GUCY2F: variants seen among roughly 807,000 people sequenced by gnomAD.
The protein encoded by GUCY2F is retinal guanylyl cyclase 2.
GUCY2F carries 61 observed loss-of-function variants against 73.1 expected under a neutral mutation model. The observed-to-expected ratio is 0.83, with a 90% CI of 0.68 to 1.03. The LOEUF (loss-of-function observed/expected upper bound fraction) is 1.03. Ranked by LOEUF, GUCY2F falls within the 50% of genes least tolerant of loss-of-function variation. GUCY2F has a pLI of 0.00. For synonymous variants in GUCY2F, 331 were observed against 307.8 expected, an observed-to-expected ratio of 1.08 and a Z score of -0.79; for missense variants, 912 against 854.3, an observed-to-expected ratio of 1.07 and a Z score of -0.84.
chrX:109,437,885 A>C (rs935635650), intron 7 of GUCY2F, among the ~76,000 whole-genome samples: 1 of 112,644 alleles, frequency 8.9e-6, no homozygotes, highest in Non-Finnish European at 1.9e-5. Context: ...TGATTACCCT[A>C]TCTTAGGTCT....
At chrX:109,476,098 C>CAA (rs35170259) in intron 1 of GUCY2F, 77 bp from the exon 2 acceptor site, 9,216 of 276,441 alleles carry the variant, frequency 0.033, 103 homozygotes, top group Non-Finnish European at 0.04. Flanking sequence ...GAAAGAATGG[C>CAA]AAAAAAAAAA....
chrX:109,382,040 C>G (rs1225404864), intron 17 of GUCY2F, 78 bp downstream of exon 17: 6 of 531,201 alleles, frequency 1.1e-5, no homozygotes, highest in Non-Finnish European at 1.6e-5. Context: ...CCCAGGTAAA[C>G]TCTTTCAGCA....
chrX:109,401,759 C>A (rs964653247), intron 10 of GUCY2F, among the ~76,000 whole-genome samples: 3 of 110,752 alleles, frequency 2.7e-5, no homozygotes, highest in Non-Finnish European at 3.8e-5. Flanking sequence ...TCATGGAAAG[C>A]CTCTTGAGGC....
At chrX:109,477,337 G>A (rs937705798) in intron 1 of GUCY2F, among the ~76,000 whole-genome samples, 1 of 111,955 alleles carries the variant, frequency 8.9e-6, no homozygotes, top group Non-Finnish European at 1.9e-5. Flanking sequence ...ACAAGTCTCT[G>A]AGATAGGAAA....
Position 109,382,206 on chromosome X carries a change from C to A in GUCY2F, c.3062G>T (p.Arg1021Leu). ...SRMESTGLPYRIHVSLSTVTI... is the reference protein window; with the variant it reads ...SRMESTGLPYLIHVSLSTVTI... ...AACAGTGCTGAGACTGACATGAATG[C>A]GATAAGCTGCAAAAGAAGGAGAGAC... Residue 1021 changes from arginine to leucine, a missense_variant, in exon 17 of 20, where the codon CGC becomes CTC. Transcript: ENST00000218006. The A allele has an allele frequency of 8.8e-7, 1 of 1,142,558 alleles. No homozygotes were observed. The allele number at this position is 1,142,558 out of a possible 1,213,427, so 94.2% of individuals were successfully genotyped here.
At chrX:109,434,655 C>A (rs964328016) in intron 7 of GUCY2F, among the ~76,000 whole-genome samples, 7 of 109,987 alleles carry the variant, frequency 6.4e-5, no homozygotes, top group African/African-American at 2.4e-4. Flanking sequence ...TCAATTTTGG[C>A]TTTTGTTGCC....
At chrX:109,414,558 C>G (rs1931195792) in intron 8 of GUCY2F, among the ~76,000 whole-genome samples, 1 of 111,774 alleles carries the variant, frequency 8.9e-6, no homozygotes, top group South Asian at 3.7e-4. Context: ...AGACCGGGGA[C>G]AAATGATGAA....
intron 8 of GUCY2F, among the ~76,000 whole-genome samples, chrX:109,411,976 C>T (rs957996785): frequency 8.9e-6 from 1 of 111,986 alleles, no homozygotes; most frequent in Non-Finnish European, 1.9e-5. Flanking sequence ...GGATTAGTTT[C>T]AGGAAAGTGA....
chrX:109,459,492 A>G lies in GUCY2F; in HGVS notation c.1033-5633T>C, dbSNP rs138437635. ...CAGGAGGTGCAGACGTCTATAGGAA[A>G]CAGATTAAATTGATTCAGAGCAGCT... On this transcript the variant is annotated intron_variant, in intron 3 of 19. Transcript: ENST00000218006. Among the ~76,000 whole-genome samples, 141 of 111,648 alleles carry G rather than the reference A, an allele frequency of 1.3e-3. 1 individual carries two copies. The highest frequency in any genetic ancestry group is 1.0e-2 in the Admixed American group (105 of 10,523).
At chrX:109,375,696 C>A (rs1009380805) in intron 19 of GUCY2F, among the ~76,000 whole-genome samples, 9 of 112,431 alleles carry the variant, frequency 8.0e-5, no homozygotes, top group Non-Finnish European at 1.3e-4. Context: ...CCAGGGCAGA[C>A]AATTTCCCAC....
chrX:109,382,199 A>T lies in GUCY2F; in HGVS notation c.3069T>A (p.His1023Gln). ...GAATTGTAACAGTGCTGAGACTGAC[A>T]TGAATGCGATAAGCTGCAAAAGAAG... ...MESTGLPYRI[H>Q]VSLSTVTILQ... Residue 1023 changes from histidine to glutamine, a missense_variant, in exon 17 of 20, where the codon CAT becomes CAA. His to Gln is a conservative substitution (Grantham distance 24). Coordinates refer to ENST00000218006, the MANE Select transcript of GUCY2F (RefSeq NM_001522.3). 1 of 1,160,279 alleles carries T rather than the reference A, an allele frequency of 8.6e-7. No homozygotes were observed. The highest frequency in any genetic ancestry group is 1.2e-6 in the Non-Finnish European group (1 of 849,405).
intron 3 of GUCY2F, among the ~76,000 whole-genome samples, chrX:109,459,797 G>T (rs1484558826): frequency 9.0e-6 from 1 of 111,716 alleles, no homozygotes; most frequent in Non-Finnish European, 1.9e-5. Flanking sequence ...AAGCCCACTT[G>T]TCAACATATC....
In GUCY2F at chrX:109,419,581, C is replaced by G. The variant is rs1429293321; in HGVS notation, c.1792-10413G>C. On this transcript the variant is annotated intron_variant, in intron 8 of 19. Transcript: ENST00000218006. ...AAATAAAACATTGATTCCTTTTCCT[C>G]TAAGGCCAGGAACAAGGCAAAGATG... Among the ~76,000 whole-genome samples the G allele has an allele frequency of 3.6e-5, 4 of 110,404 alleles. No individual in the cohort carries two copies. In the East Asian group the frequency reaches 1.1e-3, roughly 31 times the overall value.
chrX:109,439,301 G>A (rs1221603499), intron 7 of GUCY2F, among the ~76,000 whole-genome samples: 6 of 111,711 alleles, frequency 5.4e-5, no homozygotes, highest in Non-Finnish European at 1.1e-4. Context: ...TCAAGGCCCC[G>A]GCACTCTGGG....
chrX:109,411,361 G>A (rs951474870), intron 8 of GUCY2F, among the ~76,000 whole-genome samples: 3 of 110,345 alleles, frequency 2.7e-5, no homozygotes, highest in African/African-American at 9.9e-5. Context: ...TTTACTCACT[G>A]AGGACAGTAC....
intron 8 of GUCY2F, among the ~76,000 whole-genome samples, chrX:109,415,841 T>C (rs1005873390): frequency 1.8e-5 from 2 of 112,119 alleles, no homozygotes; most frequent in African/African-American, 6.5e-5. Flanking sequence ...ACATAAAATA[T>C]CTAGCATAAA....
intron 6 of GUCY2F, among the ~76,000 whole-genome samples, chrX:109,443,569 A>G (rs897265206): frequency 8.9e-5 from 10 of 111,815 alleles, no homozygotes; most frequent in African/African-American, 3.3e-4. Flanking sequence ...TAATTTTGTG[A>G]GGCCTGGTAT....
At chrX:109,471,041 T>G (rs1932563461) in intron 2 of GUCY2F, among the ~76,000 whole-genome samples, 1 of 112,227 alleles carries the variant, frequency 8.9e-6, no homozygotes, top group South Asian at 3.7e-4. Flanking sequence ...TTACCATTAT[T>G]TTTATTGCTA....
At chrX:109,408,679 C>G (rs1931031020) in intron 9 of GUCY2F, among the ~76,000 whole-genome samples, 1 of 111,910 alleles carries the variant, frequency 8.9e-6, no homozygotes, top group Non-Finnish European at 1.9e-5. Flanking sequence ...TAAGTCTCAT[C>G]AGATCTGATG....
Sources: gnomAD v4.1 joint callset for allele counts (sites outside exome capture counted in the v4.1 genomes callset) on GRCh38, gnomAD v4.1.1 for gene constraint, MANE v1.5 for transcripts, NCBI Gene and HGNC (gene_info 2026-07-23, HGNC 2026-07-21) for gene names.